COL6A6: variants seen among roughly 807,000 people sequenced by gnomAD.
COL6A6 encodes the protein collagen type VI alpha 6 chain.
In COL6A6, 183 loss-of-function variants were observed where a neutral mutation model predicts 208.6. That is an observed-to-expected ratio of 0.88 (90% CI 0.78 to 0.99). The LOEUF is 0.99. COL6A6 is among the 50% of genes least tolerant of loss of function. The pLI is 0.00. For missense variants in COL6A6, 2,816 were observed against 2,815.2 expected (o/e 1.00, Z -0.01); for synonymous variants, 973 against 1,011.8 (o/e 0.96, Z 0.73).
chr3:130,560,250 T>C, intron 1 of COL6A6, 84 bp from the exon 2 acceptor site: 3 of 764,050 alleles, frequency 3.9e-6, no homozygotes, highest in Non-Finnish European at 6.2e-6. Flanking sequence ...CCCAATTTAT[T>C]ATATAATTTT....
intron 6 of COL6A6, among the ~76,000 whole-genome samples, chr3:130,570,505 AT>A (rs1036018855): frequency 6.6e-6 from 1 of 152,178 alleles, no homozygotes; most frequent in Non-Finnish European, 1.5e-5. Context: ...CACAGAATTG[AT>A]TTTTTTAGTC....
intron 1 of COL6A6, among the ~76,000 whole-genome samples, chr3:130,559,708 A>C (rs2062838304): frequency 6.6e-6 from 1 of 152,234 alleles, no homozygotes; most frequent in African/African-American, 2.4e-5. Flanking sequence ...TTAGGCCAAA[A>C]TGAGATTGGA....
chr3:130,640,859 C>CT (rs962175386), intron 28 of COL6A6, among the ~76,000 whole-genome samples: 4 of 152,042 alleles, frequency 2.6e-5, no homozygotes, highest in African/African-American at 9.7e-5. Context: ...TTTTTCTAGA[C>CT]TTTTTGCTTT....
Position 130,610,702 on chromosome 3 carries a change from A to G in COL6A6, c.4806A>G (p.Lys1602=). 1 of 1,584,726 alleles carries G rather than the reference A, an allele frequency of 6.3e-7. No homozygotes were observed. The highest frequency in any genetic ancestry group is 8.6e-7 in the Non-Finnish European group (1 of 1,164,126). Residue 1602 remains lysine (K), a synonymous_variant, in exon 23 of 37, where the codon AAA becomes AAG. Transcript: ENST00000358511. ...GAGAAAAAGGAGGTGTGGGAAGTAA[A>G]GGTCCCCAGGTATGTAATGAGAAAA... ...VKGEKGGVGS[K]GPQGPPGPGG... is the part of the protein sequence containing the mutation.
At chr3:130,591,383 C>G (rs971971336) in intron 13 of COL6A6, among the ~76,000 whole-genome samples, 32 of 152,120 alleles carry the variant, frequency 2.1e-4, no homozygotes, top group African/African-American at 7.2e-4. Context: ...CATTCTGGAG[C>G]ATTCTGTAAA....
At chr3:130,592,956 C>T in intron 15 of COL6A6, 105 bp from the exon 16 acceptor site, 2 of 1,061,172 alleles carry the variant, frequency 1.9e-6, no homozygotes, top group Non-Finnish European at 1.4e-6. Flanking sequence ...CCCAGCCTCA[C>T]AAGGAGGCTG....
intron 23 of COL6A6, among the ~76,000 whole-genome samples, chr3:130,619,150 G>A (rs537173340): frequency 3.0e-4 from 45 of 152,280 alleles, no homozygotes; most frequent in South Asian, 2.9e-3. Context: ...GGACGTGCCC[G>A]TTAAAGAAGT....
rs146599710 is a variant in COL6A6 at position 130,595,928 on chromosome 3, G to A, written c.4533+1585G>A. Among the ~76,000 whole-genome samples, 498 of 152,254 alleles carry A rather than the reference G, an allele frequency of 3.3e-3. 10 individuals are homozygous for A. The highest frequency in any genetic ancestry group is 3.5e-3 in the Non-Finnish European group (235 of 68,020). On this transcript the variant is annotated intron_variant, in intron 18 of 36. Transcript: ENST00000358511. ...ATTTATACTCCCACTAGCAATGTAT[G>A]AGAACGGTATTACACACTCATCAGA...
chr3:130,641,765 A>T, intron 29 of COL6A6, 51 bp downstream of exon 29: 2 of 1,128,888 alleles, frequency 1.8e-6, no homozygotes, highest in Non-Finnish European at 2.6e-6. Flanking sequence ...TTAAAAAAAA[A>T]AAAGTCAGTG....
At chr3:130,612,674 G>A (rs753378736) in intron 23 of COL6A6, among the ~76,000 whole-genome samples, 9 of 152,214 alleles carry the variant, frequency 5.9e-5, no homozygotes, top group Non-Finnish European at 1.2e-4. Flanking sequence ...AGGGGATGCC[G>A]CTGGATTAAA....
intron 1 of COL6A6, among the ~76,000 whole-genome samples, chr3:130,547,667 T>C (rs1227340795): frequency 2.6e-5 from 4 of 152,264 alleles, no homozygotes; most frequent in East Asian, 1.9e-4. Flanking sequence ...TGATCTGTTA[T>C]GATGTTTTGA....
At chr3:130,546,305 CT>C (rs2062494598) in intron 1 of COL6A6, among the ~76,000 whole-genome samples, 1 of 151,754 alleles carries the variant, frequency 6.6e-6, no homozygotes, top group South Asian at 2.1e-4. Flanking sequence ...AGTGTTACAG[CT>C]CTTAAGGTGG....
At chr3:130,660,598 A>G (rs2065908929) in intron 34 of COL6A6, among the ~76,000 whole-genome samples, 1 of 152,218 alleles carries the variant, frequency 6.6e-6, no homozygotes, top group African/African-American at 2.4e-5. Context: ...GGATTACAAA[A>G]TGTCAGCCCT....
At chr3:130,638,891 G>C (rs1347326617) in intron 28 of COL6A6, among the ~76,000 whole-genome samples, 4 of 152,020 alleles carry the variant, frequency 2.6e-5, no homozygotes, top group African/African-American at 9.7e-5. Flanking sequence ...ATATTTCCTG[G>C]GTTTTATGAG....
chr3:130,651,254 C>T (rs1177713777), intron 33 of COL6A6, among the ~76,000 whole-genome samples: 3 of 151,702 alleles, frequency 2.0e-5, no homozygotes, highest in Non-Finnish European at 2.9e-5. Context: ...GGTGAAACCC[C>T]GTCTCTCCTA....
At chr3:130,613,410 C>T (rs1369283346) in intron 23 of COL6A6, among the ~76,000 whole-genome samples, 1 of 152,200 alleles carries the variant, frequency 6.6e-6, no homozygotes, top group Non-Finnish European at 1.5e-5. Context: ...GTTTTGGTTA[C>T]TATGGCCTTG....
rs771893072 is a variant in COL6A6 at position 130,563,475 on chromosome 3, G to A, written c.472G>A (p.Gly158Arg). ...EEASKALRKDGVKIISVGVQK... is the reference protein window; with the variant it reads ...EEASKALRKDRVKIISVGVQK... The stretch of plus-strand genomic sequence containing the variant: ...GGCATCAAAGGCCCTGCGGAAAGAC[G>A]GAGTGAAAATCATCTCTGTAGGGGT... Residue 158 changes from glycine to arginine, a missense_variant, in exon 3 of 37, where the codon GGA (glycine) becomes AGA (arginine). Transcript: ENST00000358511. The A allele has an allele frequency of 2.0e-5, 32 of 1,614,018 alleles. No individual in the cohort carries two copies. Among genetic ancestry groups the A allele is most frequent in the African/African-American group, 9.3e-5 (7 of 75,056 alleles).
rs1280521570 is a variant in COL6A6 at position 130,634,250 on chromosome 3, A to AAT, written c.4993-339_4993-338insTA. 1.3e-4 allele frequency among the ~76,000 whole-genome samples: 18 copies of AAT among 137,044 alleles called. 2 individuals carry two copies. Among genetic ancestry groups the AAT allele is most frequent in the East Asian group, 4.6e-4 (2 of 4,378 alleles). 89.9% of individuals were successfully genotyped at this position (137,044 alleles called of 152,430 possible). ...ATAAATAAATAAATAAATAAAAAAA[A>AAT]AAAAAAAAAAAAAAAAGATCGTGTC... is the stretch of plus-strand genomic sequence containing the variant. On this transcript the variant is annotated intron_variant, in intron 26 of 36. Coordinates refer to ENST00000358511, the MANE Select transcript of COL6A6 (RefSeq NM_001102608.3).
chr3:130,592,889 CAT>C (rs1237730087), intron 15 of COL6A6, among the ~76,000 whole-genome samples, 167 bp downstream of exon 15: 1 of 152,152 alleles, frequency 6.6e-6, no homozygotes, highest in Non-Finnish European at 1.5e-5. Flanking sequence ...ATAGGCAATA[CAT>C]ATTATTTGTT....
Sources: allele counts gnomAD v4.1 joint callset (sites outside exome capture counted in the v4.1 genomes callset), GRCh38; gene constraint gnomAD v4.1.1; transcripts MANE v1.5; gene names NCBI Gene and HGNC (gene_info 2026-07-23, HGNC 2026-07-21).